The following P2RY6 variants were observed in gnomAD, a reference collection of about 807,000 sequenced individuals.
The protein encoded by P2RY6 is P2Y purinoceptor 6.
P2RY6 carries 19 observed loss-of-function variants against 16.3 expected under a neutral mutation model. That is an observed-to-expected ratio of 1.16 (90% CI 0.81 to 1.71). P2RY6 has a LOEUF of 1.71. Among genes scored for constraint, P2RY6 ranks in the 40% most tolerant of loss-of-function variants. The pLI, the probability that P2RY6 is intolerant of heterozygous loss-of-function variation, is 0.00. For synonymous variants in P2RY6, 184 were observed against 201.5 expected (o/e 0.91, Z 0.74); for missense variants, 389 against 455.5 (o/e 0.85, Z 1.33).
intron 1 of P2RY6, among the ~76,000 whole-genome samples, chr11:73,281,577 C>A: frequency 6.6e-6 from 1 of 152,208 alleles, no homozygotes; most frequent in Non-Finnish European, 1.5e-5. Context: ...CTGTGCTGGG[C>A]ACAAGGGCCA....
chr11:73,268,639 C>T (rs988690723), upstream of P2RY6, among the ~76,000 whole-genome samples: 18 of 152,160 alleles, frequency 1.2e-4, no homozygotes, highest in African/African-American at 4.3e-4. Context: ...AAAAGATGTC[C>T]AGTCTCCTCC....
In P2RY6 at chr11:73,296,817, G is replaced by T. The variant is rs201497467; in HGVS notation, c.299G>T (p.Arg100Leu). Residue 100 changes from arginine to leucine, a missense_variant, in exon 3 of 3, where the codon CGC becomes CTC. Arg to Leu is a moderately radical substitution (Grantham distance 102). Coordinates refer to ENST00000540124, the MANE Select transcript of P2RY6 (RefSeq NM_001277204.2). ...DHWPFGDFAC[R>L]LVRFLFYANL... ...TGGCCCTTTGGCGACTTCGCCTGCC[G>T]CCTGGTCCGCTTCCTCTTCTATGCC... 1.9e-6 allele frequency: 3 copies of T among 1,610,380 alleles called. No individual in the cohort carries two copies. Among genetic ancestry groups the T allele is most frequent in the South Asian group, 2.2e-5 (2 of 91,088 alleles).
intron 1 of P2RY6, among the ~76,000 whole-genome samples, chr11:73,290,359 GAAA>G (rs1864186894): frequency 2.8e-5 from 3 of 107,726 alleles, no homozygotes; most frequent in Admixed American, 8.6e-5. Flanking sequence ...AAGAAAGAAA[GAAA>G]GAAGGAAAGA....
At chr11:73,284,132 A>T in intron 1 of P2RY6, among the ~76,000 whole-genome samples, 1 of 152,086 alleles carries the variant, frequency 6.6e-6, no homozygotes, top group South Asian at 2.1e-4. Context: ...TAGAAGACAG[A>T]GGAGGGAGGA....
chr11:73,295,880 G>C, intron 2 of P2RY6, 65 bp downstream of exon 2: 2 of 627,468 alleles, frequency 3.2e-6, no homozygotes, highest in Non-Finnish European at 4.0e-6. Flanking sequence ...CCAGACCCTG[G>C]GCGAAGATGC....
At chr11:73,286,712 G>C (rs979073373) in intron 1 of P2RY6, among the ~76,000 whole-genome samples, 1 of 152,156 alleles carries the variant, frequency 6.6e-6, no homozygotes, top group Non-Finnish European at 1.5e-5. Context: ...GGCTCCAGAG[G>C]CAAAGCAGAC....
At chr11:73,293,198 G>A (rs1393219420) in intron 1 of P2RY6, among the ~76,000 whole-genome samples, 1 of 152,204 alleles carries the variant, frequency 6.6e-6, no homozygotes, top group Non-Finnish European at 1.5e-5. Context: ...AGGGAACAGT[G>A]GAGATGGGGA....
chr11:73,283,694 G>A (rs181519685), intron 1 of P2RY6, among the ~76,000 whole-genome samples: 1 of 152,226 alleles, frequency 6.6e-6, no homozygotes, highest in Non-Finnish European at 1.5e-5. Flanking sequence ...GGGCTCAAAG[G>A]CTCCTTGCTC....
chr11:73,290,397 G>A (rs530064418), intron 1 of P2RY6, among the ~76,000 whole-genome samples: 2 of 151,718 alleles, frequency 1.3e-5, no homozygotes, highest in South Asian at 2.1e-4. Flanking sequence ...AGGGAAGGAG[G>A]GAGACTGGCT....
At chr11:73,290,147 G>A (rs1385920431) in intron 1 of P2RY6, among the ~76,000 whole-genome samples, 2 of 151,896 alleles carry the variant, frequency 1.3e-5, no homozygotes, top group Non-Finnish European at 2.9e-5. Context: ...GCTTGAACCT[G>A]GGAGGCGGAA....
At chr11:73,293,063 GC>G (rs1864332741) in intron 1 of P2RY6, 1 of 305,916 alleles carries the variant, frequency 3.3e-6, no homozygotes, top group Non-Finnish European at 4.8e-6. Flanking sequence ...GAGTTAGGAG[GC>G]CCAGAGGAAG....
At chr11:73,268,191 T>C (rs1343637769), upstream of P2RY6, among the ~76,000 whole-genome samples, 1 of 152,244 alleles carries the variant, frequency 6.6e-6, no homozygotes, top group Non-Finnish European at 1.5e-5. Context: ...CCCACAGGCA[T>C]GTGCTCCTTA....
intron 1 of P2RY6, among the ~76,000 whole-genome samples, chr11:73,291,949 C>T (rs1013724319): frequency 2.6e-5 from 4 of 152,260 alleles, no homozygotes; most frequent in African/African-American, 9.6e-5. Flanking sequence ...GCCTTGCTGC[C>T]TCAGCTGCTC....
intron 1 of P2RY6, among the ~76,000 whole-genome samples, chr11:73,273,366 C>G (rs554864296): frequency 3.1e-4 from 47 of 152,072 alleles, no homozygotes; most frequent in Non-Finnish European, 5.1e-4. Flanking sequence ...TGAGAAGGCC[C>G]TTTGCAAACT....
At position 73,296,569 on chromosome 11, in the gene P2RY6, CTG is replaced by C; in HGVS notation, c.55_56del (p.Val19LeufsTer53). On this transcript the variant is annotated frameshift_variant, in exon 3 of 3. Transcript: ENST00000540124. LOFTEE classifies it high-confidence loss of function. ...AGGCTCTGGGCTTGCCACCCACCAC[CTG>C]TGTCTACCGCGAGAACTTCAAGCAA... ...GQALGLPPTTCVYRENFKQLL... is the reference protein window; with the variant it reads ...GQALGLPPTTXVYRENFKQLL... The C allele has an allele frequency of 1.2e-6, 2 of 1,614,234 alleles. No homozygotes were observed. The highest frequency in any genetic ancestry group is 1.7e-6 in the Non-Finnish European group (2 of 1,180,042).
intron 1 of P2RY6, among the ~76,000 whole-genome samples, chr11:73,290,302 GAAAAGAAAGAAAGAAAGAAA>G (rs1211410892): frequency 4.9e-5 from 4 of 80,898 alleles, no homozygotes; most frequent in African/African-American, 9.6e-5. Flanking sequence ...AAGAAAGAAA[GAAAAGAAAGAAAGAAAGAAA>G]GAAAGAAAGA....
In P2RY6 at chr11:73,297,531, A is replaced by C; in HGVS notation, c.*26A>C. ...GTCCTCCAGGTCCTGGGCAGCCTTC[A>C]TATTTGCCATTGTGTCCGGGGCACC... On this transcript the variant is annotated 3_prime_UTR_variant, in exon 3 of 3. Transcript: ENST00000540124. The C allele has an allele frequency of 6.3e-7, 1 of 1,578,034 alleles. No individual in the cohort carries two copies. Among genetic ancestry groups the C allele is most frequent in the Non-Finnish European group, 8.7e-7 (1 of 1,154,518 alleles).
At chr11:73,275,910 G>A (rs753867315) in intron 1 of P2RY6, among the ~76,000 whole-genome samples, 1 of 152,106 alleles carries the variant, frequency 6.6e-6, no homozygotes, top group South Asian at 2.1e-4. Context: ...CACCAAGAGC[G>A]GTTAATACTA....
At chr11:73,286,239 T>G (rs1035395587) in intron 1 of P2RY6, among the ~76,000 whole-genome samples, 1 of 152,052 alleles carries the variant, frequency 6.6e-6, no homozygotes, top group African/African-American at 2.4e-5. Context: ...CACTGCCAGG[T>G]GGGCTCAGGC....
Sources: allele counts gnomAD v4.1 joint callset (sites outside exome capture counted in the v4.1 genomes callset), GRCh38; gene constraint gnomAD v4.1.1; transcripts MANE v1.5; gene names NCBI Gene and HGNC (gene_info 2026-07-23, HGNC 2026-07-21).